Variants in RARB observed in about 807,000 individuals in gnomAD.
RARB encodes the protein retinoic acid receptor beta.
RARB carries 17 observed loss-of-function variants against 51.9 expected under a neutral mutation model. That is an observed-to-expected ratio of 0.33 (90% confidence interval 0.22 to 0.49). The LOEUF (loss-of-function observed/expected upper bound fraction) is 0.49, where lower values mean the gene tolerates loss of function less well. RARB is among the 20% of genes least tolerant of loss of function. RARB has a pLI of 0.99. For synonymous variants in RARB, 215 were observed against 195.4 expected (o/e 1.10, Z -0.84); for missense variants, 369 against 550.8 (o/e 0.67, Z 3.30).
intron 5 of RARB, among the ~76,000 whole-genome samples, chr3:25,272,615 T>C (rs1043007290): frequency 6.6e-6 from 1 of 152,268 alleles, no homozygotes; most frequent in Non-Finnish European, 1.5e-5. Flanking sequence ...AAATTCTTTA[T>C]TAATTGCTCT....
In RARB at chr3:25,341,040, G is replaced by A. The variant is rs578088427; in HGVS notation, c.179-120153G>A. Among the ~76,000 whole-genome samples, 4 of 152,278 alleles carry A rather than the reference G, an allele frequency of 2.6e-5. No individual in the cohort carries two copies. In the South Asian group the frequency reaches 8.3e-4, roughly 32 times the overall value. On this transcript the variant is annotated intron_variant, in intron 5 of 11. Coordinates refer to the RARB transcript ENST00000383772. ...GCGTTGTCTTTGCCTCTCAATCTGT[G>A]TTCATTGGAAAGGACATGCAGCCAG...
chr3:24,997,188 C>T (rs1697060427), intron 2 of RARB, among the ~76,000 whole-genome samples: 1 of 152,038 alleles, frequency 6.6e-6, no homozygotes, highest in African/African-American at 2.4e-5. Context: ...TCATGCTGAA[C>T]TGATATTGTT....
intron 5 of RARB, among the ~76,000 whole-genome samples, chr3:25,422,496 G>A (rs1171823540): frequency 6.6e-6 from 1 of 152,164 alleles, no homozygotes; most frequent in Non-Finnish European, 1.5e-5. Context: ...TCATATATGG[G>A]ACTGAGGTGG....
intron 5 of RARB, among the ~76,000 whole-genome samples, chr3:25,188,321 A>G (rs1246921989): frequency 1.3e-5 from 2 of 152,136 alleles, no homozygotes; most frequent in South Asian, 2.1e-4. Context: ...TTTGTTGTAT[A>G]AATAAATGTG....
At chr3:25,045,123 T>C (rs1263237577) in intron 2 of RARB, among the ~76,000 whole-genome samples, 1 of 152,214 alleles carries the variant, frequency 6.6e-6, no homozygotes, top group Non-Finnish European at 1.5e-5. Flanking sequence ...CAGGTCTGTT[T>C]CTAGGAAATG....
intron 5 of RARB, among the ~76,000 whole-genome samples, chr3:25,191,380 T>C (rs73147305): frequency 0.013 from 2,011 of 152,210 alleles, 48 homozygotes; most frequent in African/African-American, 0.046. Flanking sequence ...TTCCACCTTA[T>C]AATGTGGTCA....
Position 25,199,589 on chromosome 3 carries a change from C to T in RARB, c.178+25014C>T, listed in dbSNP as rs562367776. 5.5e-4 allele frequency among the ~76,000 whole-genome samples: 83 copies of T among 152,064 alleles called. 2 individuals carry two copies. The highest frequency in any genetic ancestry group is 3.9e-4 in the Admixed American group (6 of 15,226). On this transcript the variant is annotated intron_variant, in intron 5 of 11. Coordinates refer to the RARB transcript ENST00000383772. ...TTTACATTAGGTATATTTCCTAATG[C>T]TATCCCTTCCCCGACACCACAACAG...
intron 2 of RARB, among the ~76,000 whole-genome samples, chr3:25,010,324 ATAAAC>A (rs1697367429): frequency 6.6e-6 from 1 of 152,156 alleles, no homozygotes; most frequent in African/African-American, 2.4e-5. Context: ...GAATTTTTAA[ATAAAC>A]TAAATCAGAA....
At chr3:25,210,437 C>T (rs964194005) in intron 5 of RARB, among the ~76,000 whole-genome samples, 1 of 151,336 alleles carries the variant, frequency 6.6e-6, no homozygotes, top group Non-Finnish European at 1.5e-5. Flanking sequence ...TGCCCATTCA[C>T]TTATGTGTTA....
chr3:24,981,178 C>T (rs372766717), intron 2 of RARB, among the ~76,000 whole-genome samples: 99 of 152,254 alleles, frequency 6.5e-4, no homozygotes, highest in African/African-American at 1.9e-3. Context: ...ATGAGGTGTC[C>T]GTCAGCCCCT....
At chr3:25,223,179 C>A (rs1701983751) in intron 5 of RARB, among the ~76,000 whole-genome samples, 1 of 152,154 alleles carries the variant, frequency 6.6e-6, no homozygotes, top group Non-Finnish European at 1.5e-5. Context: ...TGGCCCCCAG[C>A]CCTAGGCAAC....
intron 5 of RARB, among the ~76,000 whole-genome samples, chr3:25,195,517 G>C (rs1448202391): frequency 6.6e-6 from 1 of 151,866 alleles, no homozygotes; most frequent in Non-Finnish European, 1.5e-5. Context: ...ATTTATTCCA[G>C]GTGAATTCAT....
intron 4 of RARB, among the ~76,000 whole-genome samples, chr3:25,168,203 A>G (rs1303111011): frequency 6.6e-6 from 1 of 152,038 alleles, no homozygotes; most frequent in Non-Finnish European, 1.5e-5. Flanking sequence ...TGAAAAGGAC[A>G]TTTCTCTTTT....
At chr3:25,063,133 G>T (rs1335277239) in intron 3 of RARB, among the ~76,000 whole-genome samples, 1 of 151,964 alleles carries the variant, frequency 6.6e-6, no homozygotes, top group Non-Finnish European at 1.5e-5. Flanking sequence ...GTCTAAAGAT[G>T]TAACACCCCC....
chr3:25,232,002 G>A (rs1702188830), intron 5 of RARB, among the ~76,000 whole-genome samples: 1 of 151,650 alleles, frequency 6.6e-6, no homozygotes, highest in East Asian at 1.9e-4. Flanking sequence ...TCATTTAAAA[G>A]TGATAAAGTT....
rs397518481 is a variant in RARB at position 25,501,230 on chromosome 3, C to T, written c.355C>T (p.Arg119Ter). The T allele has an allele frequency of 1.2e-6, 2 of 1,608,796 alleles. No homozygotes were observed. Among genetic ancestry groups the T allele is most frequent in the African/African-American group, 1.3e-5 (1 of 74,484 alleles). ...GAAGAATATGATTTACACTTGTCAC[C>T]GAGATAAGAACTGTGTTATTAATAA... The part of the protein sequence containing the change: ...IQKNMIYTCH[R>*]DKNCVINKVT... The change falls in exon 3 of 8, where the codon CGA becomes TGA. Residue 119 changes from arginine (R) to a stop codon, truncating the protein, a stop_gained. Transcript: ENST00000330688. LOFTEE classifies it high-confidence loss of function.
chr3:24,866,948 C>G (rs1702860412), intron 2 of RARB, among the ~76,000 whole-genome samples: 1 of 151,940 alleles, frequency 6.6e-6, no homozygotes, highest in Non-Finnish European at 1.5e-5. Context: ...GGTACAATCA[C>G]AGGGGTGTGG....
At chr3:24,987,588 C>G (rs116791086) in intron 2 of RARB, among the ~76,000 whole-genome samples, 1 of 152,168 alleles carries the variant, frequency 6.6e-6, no homozygotes, top group Non-Finnish European at 1.5e-5. Flanking sequence ...AGACAAGAGA[C>G]TTATATCCCT....
At chr3:24,883,969 ATTG>A (rs1241645758) in intron 2 of RARB, among the ~76,000 whole-genome samples, 2 of 152,116 alleles carry the variant, frequency 1.3e-5, no homozygotes, top group African/African-American at 4.8e-5. Flanking sequence ...TGTTTTGGGT[ATTG>A]TTACATTTGT....
Sources: allele counts gnomAD v4.1 joint callset (sites outside exome capture counted in the v4.1 genomes callset), GRCh38; gene constraint gnomAD v4.1.1; transcripts MANE v1.5; gene names NCBI Gene and HGNC (gene_info 2026-07-23, HGNC 2026-07-21).